RMDN1: variants seen among roughly 807,000 people sequenced by gnomAD.
The protein encoded by RMDN1 is regulator of microtubule dynamics 1.
A neutral mutation model predicts 48.9 loss-of-function variants in RMDN1; 48 were observed. That is an observed-to-expected ratio of 0.98 (90% CI 0.78 to 1.25). RMDN1 has a LOEUF of 1.25. Among genes scored for constraint, RMDN1 ranks in the 50% most tolerant of loss-of-function variants. The pLI is 0.00. For synonymous variants in RMDN1, 148 were observed against 132.6 expected, an observed-to-expected ratio of 1.12 and a Z score of -0.80; for missense variants, 418 against 373.4, an observed-to-expected ratio of 1.12 and a Z score of -0.98.
rs115254814 is a variant in RMDN1 at position 86,502,298 on chromosome 8, G to A, written c.247+4697C>T. ...GTTGCCTAGGCTGGAGTGCAGTGGT[G>A]AGATCATGGCTTACTGCAACCTTGA... On this transcript the variant is annotated intron_variant, in intron 2 of 9. Transcript: ENST00000406452. Among the ~76,000 whole-genome samples the A allele has an allele frequency of 4.2e-3, 642 of 152,138 alleles. 4 individuals carry two copies. Among genetic ancestry groups the A allele is most frequent in the African/African-American group, 0.015 (609 of 41,496 alleles).
chr8:86,508,421 ACTT>A lies in RMDN1; in HGVS notation c.129+68_129+70del, dbSNP rs1479005649. 9 of 1,458,970 alleles carry A rather than the reference ACTT, an allele frequency of 6.2e-6. No homozygotes were observed. The East Asian group carries it at 2.1e-4, about 34-fold the overall frequency. The allele number at this position is 1,458,970 out of a possible 1,614,324, so 90.4% of individuals were successfully genotyped here. A position where few individuals can be genotyped will look rare whatever the true frequency, so the allele number is the denominator to read the frequency against. On this transcript the variant is annotated intron_variant, in intron 1 of 9. Transcript: ENST00000406452. ...CCTTAGGCAGCGCGGGGCCGCCACC[ACTT>A]AAGTTAAGGGGGAGCCGGAACCCAC... is the stretch of plus-strand genomic sequence containing the variant.
chr8:86,478,841 G>T, intron 7 of RMDN1, 82 bp downstream of exon 7: 1 of 1,072,338 alleles, frequency 9.3e-7, no homozygotes, highest in Non-Finnish European at 1.4e-6. Context: ...CACTGAATCA[G>T]AGCTCCACAT....
chr8:86,482,740 G>A, intron 5 of RMDN1: 1 of 1,004,086 alleles, frequency 1.0e-6, no homozygotes, highest in South Asian at 1.3e-5. Flanking sequence ...TGTCAAGCAG[G>A]TGGCGCCATA....
downstream of RMDN1, chr8:86,468,537 A>G: frequency 2.4e-6 from 1 of 412,078 alleles, no homozygotes; most frequent in South Asian, 1.8e-5. Context: ...AGAATTACAA[A>G]TGGTACCACT....
chr8:86,491,129 AATTTATTTATTT>A (rs930761919), intron 2 of RMDN1, among the ~76,000 whole-genome samples: 1 of 151,250 alleles, frequency 6.6e-6, no homozygotes, highest in South Asian at 2.1e-4. Flanking sequence ...TATATATATA[AATTTATTTATTT>A]ATTTATTTAT....
rs553902904 is a variant in RMDN1 at position 86,475,392 on chromosome 8, T to C, written c.761-439A>G. ...AAGTGAATGAAATGATGATGACATA[T>C]ATATATTTGATCAACATTTACTGGA... is the stretch of plus-strand genomic sequence containing the variant. On this transcript the variant is annotated intron_variant, in intron 8 of 9. Coordinates refer to ENST00000406452, the MANE Select transcript of RMDN1 (RefSeq NM_016033.3). Among the ~76,000 whole-genome samples the C allele has an allele frequency of 4.2e-4, 64 of 152,276 alleles. No individual in the cohort carries two copies. The East Asian group carries it at 9.4e-3, about 22-fold the overall frequency.
intron 7 of RMDN1, 48 bp downstream of exon 7, chr8:86,478,875 G>A (rs775597463): frequency 2.5e-5 from 35 of 1,421,794 alleles, no homozygotes; most frequent in Admixed American, 2.4e-4. Flanking sequence ...GTAGAATGGC[G>A]CTGTGGTTAA....
upstream of RMDN1, among the ~76,000 whole-genome samples, chr8:86,509,517 T>C (rs1819927843): frequency 1.3e-5 from 2 of 152,102 alleles, no homozygotes; most frequent in East Asian, 1.9e-4. Context: ...CGAAAAATCT[T>C]ATGGGTAATA....
In RMDN1 at chr8:86,488,622, G is replaced by C. The variant is rs1212369072; in HGVS notation, c.265C>G (p.Gln89Glu). The C allele has an allele frequency of 1.9e-6, 3 of 1,607,906 alleles. No individual in the cohort carries two copies. Among genetic ancestry groups the C allele is most frequent in the Non-Finnish European group, 2.5e-6 (3 of 1,177,144 alleles). ...ATAKVEEILEQADYLYESGET... is the reference protein window; with the variant it reads ...ATAKVEEILEEADYLYESGET... ...CCGCTTTCATACAGGTAGTCTGCTT[G>C]TTCAAGTATTTCTTCAACTTCAAAG... Residue 89 changes from glutamine to glutamate, a missense_variant, in exon 3 of 10, where the codon CAA (glutamine) becomes GAA (glutamate). Gln to Glu is a conservative substitution (Grantham distance 29). Coordinates refer to ENST00000406452, the MANE Select transcript of RMDN1 (RefSeq NM_016033.3).
intron 5 of RMDN1, chr8:86,482,394 C>CT (rs1814652975): frequency 2.5e-6 from 1 of 403,052 alleles, no homozygotes; most frequent in African/African-American, 2.1e-5. Context: ...AGAGGAGACT[C>CT]TGTCTCAAAC....
chr8:86,474,713 T>C lies in RMDN1; in HGVS notation c.894+107A>G, dbSNP rs985928705. 1.3e-5 allele frequency: 13 copies of C among 1,029,134 alleles called. No homozygotes were observed. The Middle Eastern group carries it at 6.2e-4, about 49-fold the overall frequency. The allele number at this position is 1,029,134 out of a possible 1,614,324, so 63.8% of individuals were successfully genotyped here. ...ACACTTGAAATGAACACACTTGTTTTCAACAATATTATGCATTTAGAAAAT... is the reference window on the plus strand; with the variant it reads ...ACACTTGAAATGAACACACTTGTTTCCAACAATATTATGCATTTAGAAAAT... On this transcript the variant is annotated intron_variant, in intron 9 of 9. Coordinates refer to ENST00000406452, the MANE Select transcript of RMDN1 (RefSeq NM_016033.3).
In RMDN1 at chr8:86,480,375, C is replaced by T. The variant is rs765745805; in HGVS notation, c.586-43G>A. ...AAATAAATCATATTTGTTTTCTAAA[C>T]ACCAATAAGTGCTTTACTGTGTTTG... On this transcript the variant is annotated intron_variant, in intron 5 of 9. Transcript: ENST00000406452. The T allele has an allele frequency of 7.0e-6, 8 of 1,136,342 alleles. No homozygotes were observed. In the East Asian group the frequency reaches 1.8e-4, roughly 26 times the overall value. 70.4% of individuals were successfully genotyped at this position (1,136,342 alleles called of 1,614,324 possible).
At chr8:86,491,464 G>C (rs1263380041) in intron 2 of RMDN1, among the ~76,000 whole-genome samples, 1 of 152,152 alleles carries the variant, frequency 6.6e-6, no homozygotes, top group African/African-American at 2.4e-5. Flanking sequence ...TGGTACTACA[G>C]ACTGACATAG....
rs978961753 is a variant in RMDN1, at chr8:86,503,677, T to C, written c.247+3318A>G. ...ACAACACGGGAGTCATCAGTGCTCC[T>C]GAGATGATCATAAAGGAATTTATCA... On this transcript the variant is annotated intron_variant, in intron 2 of 9. Transcript: ENST00000406452. 1.3e-5 allele frequency: 6 copies of C among 477,882 alleles called. No homozygotes were observed. The East Asian group carries it at 2.7e-4, about 21-fold the overall frequency. 29.6% of individuals were successfully genotyped at this position (477,882 alleles called of 1,614,324 possible). A position where few individuals can be genotyped will look rare whatever the true frequency, so the allele number is the denominator to read the frequency against.
At chr8:86,506,818 T>C (rs1406649328) in intron 2 of RMDN1, among the ~76,000 whole-genome samples, 177 bp downstream of exon 2, 1 of 152,186 alleles carries the variant, frequency 6.6e-6, no homozygotes, top group Non-Finnish European at 1.5e-5. Context: ...CCTCAAACAG[T>C]AGGTTGGCAG....
chr8:86,508,561 C>A lies in RMDN1; in HGVS notation c.60G>T (p.Gly20=). 1 of 1,599,618 alleles carries A rather than the reference C, an allele frequency of 6.3e-7. No homozygotes were observed. The highest frequency in any genetic ancestry group is 8.5e-7 in the Non-Finnish European group (1 of 1,175,078). The part of the protein sequence containing the change: ...LLPFRRGAAP[G]SRLPAGTSGS... ...CCGAAGTCCCCGCAGGGAGACGAGA[C>A]CCCGGGGCGGCTCCACGTCGGAAAG... Residue 20 remains glycine, a synonymous_variant, in exon 1 of 10, where the codon GGG becomes GGT. Transcript: ENST00000406452.
intron 4 of RMDN1, among the ~76,000 whole-genome samples, chr8:86,485,665 A>G (rs1414381349): frequency 6.6e-6 from 1 of 152,214 alleles, no homozygotes; most frequent in African/African-American, 2.4e-5. Flanking sequence ...GAACAGCCAC[A>G]ATGTCAACTG....
At chr8:86,472,224 T>A, downstream of RMDN1, 1 of 592,948 alleles carries the variant, frequency 1.7e-6, no homozygotes, top group Admixed American at 3.0e-5. Flanking sequence ...AGGTTGAACA[T>A]CCCTATTTCC....
intron 5 of RMDN1, among the ~76,000 whole-genome samples, chr8:86,481,560 C>CTTTT (rs71275857): frequency 9.6e-5 from 10 of 104,468 alleles, no homozygotes; most frequent in African/African-American, 2.5e-4. Context: ...ATTAATTTTC[C>CTTTT]TTTTTTTTTT....
Sources: allele counts gnomAD v4.1 joint callset (sites outside exome capture counted in the v4.1 genomes callset), GRCh38; gene constraint gnomAD v4.1.1; transcripts MANE v1.5; gene names NCBI Gene and HGNC (gene_info 2026-07-23, HGNC 2026-07-21).